The following ENTHD1 variants were observed in gnomAD, a reference collection of about 807,000 sequenced individuals.
The protein encoded by ENTHD1 is ENTH domain-containing protein 1.
Under a neutral mutation model 39.1 loss-of-function variants are expected in ENTHD1, and 23 were observed. That is an observed-to-expected ratio of 0.59 (90% CI 0.42 to 0.83). The LOEUF is 0.83. Among genes scored for constraint, ENTHD1 ranks in the 40% least tolerant of loss-of-function variants. The pLI is 0.00. For synonymous variants in ENTHD1, 230 were observed against 258.2 expected (o/e 0.89, Z 1.05); for missense variants, 624 against 705.4 (o/e 0.88, Z 1.31).
Position 39,744,091 on chromosome 22 carries a change from G to C in ENTHD1, c.1412C>G (p.Ser471Cys), listed in dbSNP as rs766276952. The C allele has an allele frequency of 1.2e-6, 2 of 1,614,136 alleles. No homozygotes were observed. The highest frequency in any genetic ancestry group is 1.7e-6 in the Non-Finnish European group (2 of 1,179,984). ...AGACACTGGGCCCCTAGAAGCAAAGGAGTGATGCAGCTTGGCTGTCTTATC... is the reference window on the plus strand; with the variant it reads ...AGACACTGGGCCCCTAGAAGCAAAGCAGTGATGCAGCTTGGCTGTCTTATC... ...DEDKTAKLHH[S>C]FASRGPVSSD... is the part of the protein sequence containing the mutation. The change falls in exon 7 of 7, where the codon TCC (serine) becomes TGC (cysteine). Residue 471 changes from serine (S) to cysteine (C), a missense_variant. Physicochemically the swap from Ser to Cys is moderately radical, Grantham distance 112. Coordinates refer to ENST00000325157, the MANE Select transcript of ENTHD1 (RefSeq NM_152512.4).
intron 5 of ENTHD1, among the ~76,000 whole-genome samples, chr22:39,802,016 T>C (rs974479456): frequency 2.0e-5 from 3 of 152,148 alleles, no homozygotes; most frequent in Non-Finnish European, 4.4e-5. Flanking sequence ...AGAGTAAATA[T>C]AGGATTTTAA....
At chr22:39,793,882 C>T (rs1024719676) in intron 5 of ENTHD1, among the ~76,000 whole-genome samples, 1 of 152,132 alleles carries the variant, frequency 6.6e-6, no homozygotes, top group African/African-American at 2.4e-5. Context: ...ATTTTGAAGT[C>T]AGGTAGTGAA....
chr22:39,876,515 A>T (rs762432897), intron 2 of ENTHD1, among the ~76,000 whole-genome samples: 7 of 108,468 alleles, frequency 6.5e-5, no homozygotes, highest in South Asian at 6.8e-4. Context: ...CGGGTCATCT[A>T]AAAAAAAAAA....
At chr22:39,862,846 G>A (rs977653589) in intron 2 of ENTHD1, among the ~76,000 whole-genome samples, 3 of 152,178 alleles carry the variant, frequency 2.0e-5, no homozygotes, top group African/African-American at 7.2e-5. Flanking sequence ...GCATTAAGAG[G>A]TGGAGCCTTT....
chr22:39,770,633 A>G (rs2065313778), intron 5 of ENTHD1, among the ~76,000 whole-genome samples: 1 of 152,194 alleles, frequency 6.6e-6, no homozygotes, highest in African/African-American at 2.4e-5. Flanking sequence ...AAAATAACTA[A>G]TAATATAAGT....
At chr22:39,748,412 A>G (rs1224904648) in intron 6 of ENTHD1, among the ~76,000 whole-genome samples, 1 of 151,708 alleles carries the variant, frequency 6.6e-6, no homozygotes, top group African/African-American at 2.4e-5. Flanking sequence ...TCAAATATTA[A>G]TATCATTTTC....
At chr22:39,830,216 C>T (rs947822173) in intron 4 of ENTHD1, among the ~76,000 whole-genome samples, 5 of 152,126 alleles carry the variant, frequency 3.3e-5, no homozygotes, top group African/African-American at 1.2e-4. Context: ...GCTGGGATTA[C>T]AGGTACACAC....
At chr22:39,824,496 A>T (rs1436934456) in intron 4 of ENTHD1, among the ~76,000 whole-genome samples, 1 of 152,034 alleles carries the variant, frequency 6.6e-6, no homozygotes, top group Non-Finnish European at 1.5e-5. Flanking sequence ...GGGGTGAGCC[A>T]CCGCACCCGG....
intron 5 of ENTHD1, among the ~76,000 whole-genome samples, chr22:39,815,443 C>T (rs929494015): frequency 4.8e-4 from 58 of 120,994 alleles, no homozygotes; most frequent in Non-Finnish European, 7.1e-4. Context: ...AACTCCGTCT[C>T]AAAAAAAAAA....
At chr22:39,766,372 GTGGGCCTGA>G (rs1049935781) in intron 5 of ENTHD1, among the ~76,000 whole-genome samples, 19 of 152,256 alleles carry the variant, frequency 1.2e-4, no homozygotes, top group Non-Finnish European at 2.4e-4. Flanking sequence ...GAAACTGAAG[GTGGGCCTGA>G]TCCAGGAATG....
intron 5 of ENTHD1, among the ~76,000 whole-genome samples, chr22:39,816,040 T>G (rs957245463): frequency 2.6e-5 from 4 of 151,990 alleles, no homozygotes; most frequent in Admixed American, 2.6e-4. Context: ...CTAGTGCTAG[T>G]GGGGGTGTGA....
chr22:39,813,673 C>T (rs2065711010), intron 5 of ENTHD1, among the ~76,000 whole-genome samples: 1 of 152,200 alleles, frequency 6.6e-6, no homozygotes, highest in South Asian at 2.1e-4. Flanking sequence ...TCCACGATCA[C>T]ACTTTCATTC....
rs940221343 is a variant in ENTHD1 at position 39,867,065 on chromosome 22, G to C, written c.350-5058C>G. 6.6e-6 allele frequency among the ~76,000 whole-genome samples: 1 copy of C among 152,106 alleles called. No individual in the cohort carries two copies. Among genetic ancestry groups the C allele is most frequent in the East Asian group, 1.9e-4 (1 of 5,180 alleles). ...CTACAGGCGCCCGCCACCAGGCCCGGCTAATTTTTTTGCATTTTTAGTAGA... is the reference window on the plus strand; with the variant it reads ...CTACAGGCGCCCGCCACCAGGCCCGCCTAATTTTTTTGCATTTTTAGTAGA... On this transcript the variant is annotated intron_variant, in intron 2 of 6. Transcript: ENST00000325157. This position sits in a 1 kb window ranked among gnomAD's most constrained non-coding sequence, Gnocchi z 4.5.
intron 5 of ENTHD1, among the ~76,000 whole-genome samples, chr22:39,785,437 T>A (rs1209297793): frequency 1.3e-5 from 2 of 152,228 alleles, no homozygotes; most frequent in East Asian, 3.8e-4. Flanking sequence ...GCTTTGATCT[T>A]CCCCCACACC....
At chr22:39,764,355 A>C (rs1008869566) in intron 6 of ENTHD1, among the ~76,000 whole-genome samples, 5 of 152,212 alleles carry the variant, frequency 3.3e-5, no homozygotes, top group African/African-American at 9.6e-5. Flanking sequence ...ATGCACCTGT[A>C]GTCGTAGCTA....
intron 3 of ENTHD1, among the ~76,000 whole-genome samples, chr22:39,837,874 GA>G (rs960592213): frequency 1.2e-4 from 19 of 152,344 alleles, no homozygotes; most frequent in African/African-American, 4.3e-4. Flanking sequence ...GGAGTGTGAA[GA>G]CAATCAGGAC....
rs751508929 is a variant in ENTHD1 at position 39,743,959 on chromosome 22, T to TC, written c.1543dup (p.Glu515GlyfsTer29). ...CTGGTCTACATTTTGGGTGGAAAAC[T>TC]CCCCCCAGTGACTACTAGAAATGTG... On this transcript the variant is annotated frameshift_variant, in exon 7 of 7. Transcript: ENST00000325157. LOFTEE classifies it low-confidence loss of function (END_TRUNC). The TC allele has an allele frequency of 1.2e-6, 2 of 1,614,056 alleles. No homozygotes were observed. Among genetic ancestry groups the TC allele is most frequent in the South Asian group, 2.2e-5 (2 of 91,070 alleles).
chr22:39,805,024 C>T (rs1401750921), intron 5 of ENTHD1, among the ~76,000 whole-genome samples: 1 of 152,138 alleles, frequency 6.6e-6, no homozygotes, highest in Non-Finnish European at 1.5e-5. Flanking sequence ...CATCTCGAGT[C>T]TGTCAAGGGC....
At chr22:39,787,639 C>T (rs1379434293) in intron 5 of ENTHD1, among the ~76,000 whole-genome samples, 1 of 152,164 alleles carries the variant, frequency 6.6e-6, no homozygotes. Context: ...TAAGCCAAAG[C>T]CTAATCCAGA....
Sources: gnomAD v4.1 joint callset for allele counts (sites outside exome capture counted in the v4.1 genomes callset) on GRCh38, gnomAD v4.1.1 for gene constraint, Gnocchi (gnomAD v3.1) non-coding constraint, MANE v1.5 for transcripts, NCBI Gene and HGNC (gene_info 2026-07-23, HGNC 2026-07-21) for gene names.